Variants in CTC1 observed in about 807,000 individuals in gnomAD.
CTC1 encodes CST complex subunit CTC1.
In CTC1, 91 loss-of-function variants were observed where a neutral mutation model predicts 136.3. That is an observed-to-expected ratio of 0.67 (90% CI 0.56 to 0.79). The LOEUF is 0.79. Ranked by LOEUF, CTC1 falls within the 30% of genes least tolerant of loss-of-function variation. The pLI, the probability that CTC1 is intolerant of heterozygous loss-of-function variation, is 0.00. For missense variants in CTC1, 1,432 were observed against 1,498.1 expected, an observed-to-expected ratio of 0.96 and a Z score of 0.73; for synonymous variants, 606 against 613.8, an observed-to-expected ratio of 0.99 and a Z score of 0.19.
rs1187565258 is a variant in CTC1 at position 8,226,148 on chromosome 17, A to G, written c.*2032T>C. The G allele has an allele frequency of 6.6e-6, 1 of 152,194 alleles. No homozygotes were observed. Among genetic ancestry groups the G allele is most frequent in the East Asian group, 1.9e-4 (1 of 5,202 alleles). The allele number at this position is 152,194 out of a possible 1,614,324, so 9.4% of individuals were successfully genotyped here. ...GAAATGTGGGTGCTATGAGTGCAGAACAGAAACTCTTACGCGTTCTGATAT... is the reference window on the plus strand; with the variant it reads ...GAAATGTGGGTGCTATGAGTGCAGAGCAGAAACTCTTACGCGTTCTGATAT... On this transcript the variant is annotated 3_prime_UTR_variant, in exon 23 of 23. Coordinates refer to ENST00000651323, the MANE Select transcript of CTC1 (RefSeq NM_025099.6).
Position 8,232,906 on chromosome 17 carries a change from C to T in CTC1, c.1945G>A (p.Gly649Ser). 1 of 1,613,958 alleles carries T rather than the reference C, an allele frequency of 6.2e-7. No homozygotes were observed. Among genetic ancestry groups the T allele is most frequent in the East Asian group, 2.2e-5 (1 of 44,862 alleles). ...SQPLSDPRLI[G>S]CLVRAERFQL... ...TTCTTTCCACATCTGAACTCCAAAC[C>T]TATCAGCCGTGGGTCACTGAGGGGT... is the stretch of plus-strand genomic sequence containing the variant. Residue 649 changes from glycine (G) to serine (S), a missense_variant and splice_region_variant, in exon 11 of 23, where the codon GGC (glycine) becomes AGC (serine). By Grantham distance (56) the Gly-to-Ser change is moderately conservative. Coordinates refer to ENST00000651323, the MANE Select transcript of CTC1 (RefSeq NM_025099.6).
At chr17:8,238,731 G>C (rs1427447257) in intron 2 of CTC1, 102 bp from the exon 3 acceptor site, 3 of 830,426 alleles carry the variant, frequency 3.6e-6, no homozygotes, top group Non-Finnish European at 5.7e-6. Context: ...AAAGGTTGCA[G>C]GGAACATGGA....
At chr17:8,231,495 C>T (rs1026538154) in intron 14 of CTC1, 26 bp from the exon 15 acceptor site, 1 of 1,574,726 alleles carries the variant, frequency 6.4e-7, no homozygotes, top group South Asian at 1.2e-5. Context: ...AAGACGACTG[C>T]CTGTGAGTGT....
intron 20 of CTC1, 105 bp from the exon 21 acceptor site, chr17:8,228,997 G>C: frequency 1.3e-6 from 2 of 1,485,032 alleles, no homozygotes; most frequent in Non-Finnish European, 1.8e-6. Context: ...TTGGCTCACA[G>C]ATTTAGGAGC....
chr17:8,243,798 G>A (rs934854157), intron 1 of CTC1, among the ~76,000 whole-genome samples: 1 of 152,210 alleles, frequency 6.6e-6, no homozygotes, highest in Non-Finnish European at 1.5e-5. Context: ...CAGGCTGGGT[G>A]CAGTGGCTCA....
intron 14 of CTC1, 45 bp from the exon 15 acceptor site, chr17:8,231,514 C>G (rs1400534391): frequency 1.3e-6 from 2 of 1,532,878 alleles, no homozygotes; most frequent in African/African-American, 1.4e-5. Context: ...GTGTGCTAGT[C>G]CAGTGGGAGG....
intron 1 of CTC1, among the ~76,000 whole-genome samples, chr17:8,246,745 A>C (rs1988749212): frequency 1.3e-5 from 2 of 151,904 alleles, no homozygotes; most frequent in Non-Finnish European, 2.9e-5. Flanking sequence ...AAAAAATACA[A>C]AAATGAGCTG....
chr17:8,236,021 T>A, intron 6 of CTC1, 37 bp downstream of exon 6: 1 of 1,598,760 alleles, frequency 6.3e-7, no homozygotes, highest in Non-Finnish European at 8.6e-7. Flanking sequence ...CCCACATTTC[T>A]GGCCCCTCAA....
intron 15 of CTC1, 65 bp downstream of exon 15, chr17:8,231,211 A>G: frequency 2.3e-6 from 3 of 1,328,362 alleles, no homozygotes; most frequent in Non-Finnish European, 2.0e-6. Context: ...GTCTTCACCA[A>G]ACCCAGCTAG....
At position 8,230,997 on chromosome 17, in the gene CTC1, G is replaced by C. The variant is rs189694422; in HGVS notation, c.2669+279C>G. The C allele has an allele frequency of 3.3e-5, 16 of 488,742 alleles. No homozygotes were observed. In the East Asian group the frequency reaches 5.5e-4, roughly 17 times the overall value. 30.3% of individuals were successfully genotyped at this position (488,742 alleles called of 1,614,324 possible). A position where few individuals can be genotyped will look rare whatever the true frequency, so the allele number is the denominator to read the frequency against. On this transcript the variant is annotated intron_variant, in intron 15 of 22. Transcript: ENST00000651323. ...ACTAAAAATACAAAAAAACTAGCTG[G>C]GTGTGGTGGCGTGCACCCCTATAAT...
At chr17:8,230,517 C>T in intron 16 of CTC1, 46 bp downstream of exon 16, 1 of 1,613,342 alleles carries the variant, frequency 6.2e-7, no homozygotes, top group Non-Finnish European at 8.5e-7. Context: ...TCCACAAAGT[C>T]CCATCACTCT....
In CTC1 at chr17:8,226,108, A is replaced by G. The variant is rs1001614237; in HGVS notation, c.*2072T>C. On this transcript the variant is annotated 3_prime_UTR_variant, in exon 23 of 23. Coordinates refer to ENST00000651323, the MANE Select transcript of CTC1 (RefSeq NM_025099.6). The stretch of plus-strand genomic sequence containing the variant: ...AGAGTGGCGATCTCATGGGAGTGGC[A>G]GCTTGACTCTGCAGGAAATGTGGGT... 1 of 152,168 alleles carries G rather than the reference A, an allele frequency of 6.6e-6. No individual in the cohort carries two copies. Among genetic ancestry groups the G allele is most frequent in the Non-Finnish European group, 1.5e-5 (1 of 68,040 alleles). 9.4% of individuals were successfully genotyped at this position (152,168 alleles called of 1,614,324 possible). A position where few individuals can be genotyped will look rare whatever the true frequency, so the allele number is the denominator to read the frequency against.
chr17:8,235,810 A>G, intron 7 of CTC1, 21 bp downstream of exon 7: 10 of 1,575,474 alleles, frequency 6.3e-6, no homozygotes, highest in Non-Finnish European at 8.6e-6. Flanking sequence ...TCTTTTTGTT[A>G]TCAGCCCTGA....
chr17:8,227,016 G>C lies in CTC1; in HGVS notation c.*1164C>G, dbSNP rs955066686. Reference sequence around the variant, plus strand: ...TGGCCCGTACGGGGTTCGAACCCGCGACCTTGGCGTTATTAGCACCACGCT... The same window carrying C: ...TGGCCCGTACGGGGTTCGAACCCGCCACCTTGGCGTTATTAGCACCACGCT... On this transcript the variant is annotated 3_prime_UTR_variant, in exon 23 of 23. Transcript: ENST00000651323. The C allele has an allele frequency of 2.0e-5, 3 of 152,236 alleles. No homozygotes were observed. Among genetic ancestry groups the C allele is most frequent in the Admixed American group, 1.3e-4 (2 of 15,266 alleles). 9.4% of individuals were successfully genotyped at this position (152,236 alleles called of 1,614,324 possible). A position where few individuals can be genotyped will look rare whatever the true frequency, so the allele number is the denominator to read the frequency against.
intron 14 of CTC1, 56 bp downstream of exon 14, chr17:8,231,670 G>T: frequency 6.5e-7 from 1 of 1,530,148 alleles, no homozygotes; most frequent in Non-Finnish European, 9.1e-7. Context: ...GCCCTCTTTA[G>T]ACCCCAACCC....
At position 8,232,341 on chromosome 17, in the gene CTC1, C is replaced by G; in HGVS notation, c.2060+20G>C. The stretch of plus-strand genomic sequence containing the variant: ...TCCTTCCCCCCAGACTCAAGACAAC[C>G]ATGACCCCAAGGAGCCAACCTGGCC... On this transcript the variant is annotated intron_variant, in intron 12 of 22. Transcript: ENST00000651323. The G allele has an allele frequency of 6.2e-7, 1 of 1,609,120 alleles. No individual in the cohort carries two copies. Among genetic ancestry groups the G allele is most frequent in the African/African-American group, 1.3e-5 (1 of 74,852 alleles).
chr17:8,228,352 C>T (rs1180191675), intron 22 of CTC1, 33 bp from the exon 23 acceptor site: 1 of 1,611,024 alleles, frequency 6.2e-7, no homozygotes, highest in Non-Finnish European at 8.5e-7. Flanking sequence ...ACACACGTCT[C>T]AGGCATGTGG....
chr17:8,231,645 A>T (rs1349384383), intron 14 of CTC1, 81 bp downstream of exon 14: 5 of 1,368,272 alleles, frequency 3.7e-6, no homozygotes, highest in Non-Finnish European at 5.2e-6. Flanking sequence ...CTAGAGAATG[A>T]CCAGGCACTG....
In CTC1 at chr17:8,232,256, T is replaced by C. The variant is rs1987306205; in HGVS notation, c.2061-29A>G. 5.8e-6 allele frequency: 9 copies of C among 1,541,582 alleles called. 1 individual carries two copies. Among genetic ancestry groups the C allele is most frequent in the Non-Finnish European group, 7.8e-6 (9 of 1,146,616 alleles). On this transcript the variant is annotated intron_variant, in intron 12 of 22. Coordinates refer to ENST00000651323, the MANE Select transcript of CTC1 (RefSeq NM_025099.6). ...TTGGGAGAGACAAGGAATACATTTC[T>C]TAGTGATGCAGGCATTGGGTATTTT...
Sources: allele counts gnomAD v4.1 joint callset (sites outside exome capture counted in the v4.1 genomes callset), GRCh38; gene constraint gnomAD v4.1.1; transcripts MANE v1.5; gene names NCBI Gene and HGNC (gene_info 2026-07-23, HGNC 2026-07-21).